TRIM49C: variants seen among roughly 807,000 people sequenced by gnomAD.
TRIM49C encodes the protein tripartite motif containing 49C, also known as tripartite motif-containing protein 49C.
Under a neutral mutation model 21.4 loss-of-function variants are expected in TRIM49C, and 6 were observed. The observed-to-expected ratio is 0.28, with a 90% CI of 0.15 to 0.55. The LOEUF (loss-of-function observed/expected upper bound fraction) is 0.55. Ranked by LOEUF, TRIM49C falls within the 20% of genes least tolerant of loss-of-function variation. TRIM49C has a pLI of 0.94. For missense variants in TRIM49C, 161 were observed against 442.4 expected, an observed-to-expected ratio of 0.36 and a Z score of 5.71; for synonymous variants, 57 against 148.1, an observed-to-expected ratio of 0.38 and a Z score of 4.47.
At chr11:90,049,313 C>G in the TRIM49C span, among the ~76,000 whole-genome samples, 8 of 86,828 alleles carry the variant, frequency 9.2e-5, 2 homozygotes, top group Non-Finnish European at 1.5e-4. Flanking sequence ...AAGTCTGCAG[C>G]GGTTTCTGCT....
In TRIM49C at chr11:90,041,277, G is replaced by A. The variant is rs917405954; in HGVS notation, c.1086G>A (p.Arg362=). The change falls in exon 8 of 8, where the codon CGG becomes CGA. Residue 362 remains arginine (R), a synonymous_variant. Coordinates refer to ENST00000448984, the MANE Select transcript of TRIM49C (RefSeq NM_001195234.1). ...CTTTTGGTGTCTGTAATATGTATCG[G>A]AAGGAGAAGAATCAGAATGAGAAGA... is the stretch of plus-strand genomic sequence containing the variant. ...NWAFGVCNMY[R]KEKNQNEKID... 4 of 1,585,354 alleles carry A rather than the reference G, an allele frequency of 2.5e-6. No individual in the cohort carries two copies. The highest frequency in any genetic ancestry group is 3.4e-6 in the Non-Finnish European group (4 of 1,162,856).
At chr11:90,071,474 T>G in the TRIM49C span, among the ~76,000 whole-genome samples, 2 of 143,422 alleles carry the variant, frequency 1.4e-5, 1 homozygote, top group Admixed American at 1.5e-4. Context: ...AGAGATCAAC[T>G]ATTTGGTGGC....
At chr11:90,056,589 TCTATC>T in the TRIM49C span, among the ~76,000 whole-genome samples, 6 of 91,892 alleles carry the variant, frequency 6.5e-5, no homozygotes, top group African/African-American at 2.5e-4. Context: ...ATTAGTATGT[TCTATC>T]CTATTTTGTT....
the TRIM49C span, chr11:90,071,599 A>T: frequency 1.6e-6 from 1 of 607,258 alleles, no homozygotes; most frequent in Non-Finnish European, 2.8e-6. Flanking sequence ...GGTACATTAC[A>T]ATATCAGAAG....
chr11:90,063,195 T>C, the TRIM49C span, among the ~76,000 whole-genome samples: 5,656 of 121,384 alleles, frequency 0.047, 834 homozygotes, highest in Non-Finnish European at 0.065. Flanking sequence ...TTTCGCTCAA[T>C]AGCCATTGAA....
At chr11:90,051,773 C>A in the TRIM49C span, 3 of 313,764 alleles carry the variant, frequency 9.6e-6, no homozygotes, top group Non-Finnish European at 1.7e-5. Flanking sequence ...CCGGGAGCAG[C>A]CACGGTGCCC....
At chr11:90,038,537 G>C (rs576686188) in intron 5 of TRIM49C, among the ~76,000 whole-genome samples, 156 bp from the exon 6 acceptor site, 1 of 139,248 alleles carries the variant, frequency 7.2e-6, no homozygotes, top group African/African-American at 2.5e-5. Flanking sequence ...CAACTGACTG[G>C]GTTTTTCATT....
chr11:90,033,772 C>G (rs1446850783), intron 2 of TRIM49C, among the ~76,000 whole-genome samples: 1,322 of 129,852 alleles, frequency 0.01, 18 homozygotes, highest in African/African-American at 0.035. Context: ...GGCAAAACCC[C>G]ATCTCTACTA....
At chr11:90,054,324 T>C in the TRIM49C span, among the ~76,000 whole-genome samples, 1 of 133,218 alleles carries the variant, frequency 7.5e-6, no homozygotes, top group African/African-American at 2.7e-5. Flanking sequence ...CACTGGCATG[T>C]TAAGTATGTT....
At chr11:90,071,027 C>G in the TRIM49C span, 1 of 442,902 alleles carries the variant, frequency 2.3e-6, no homozygotes, top group South Asian at 1.7e-5. Context: ...AAATCCTGAC[C>G]TCAGGTGATC....
chr11:90,069,717 C>G, the TRIM49C span, among the ~76,000 whole-genome samples: 1 of 113,458 alleles, frequency 8.8e-6, no homozygotes, highest in East Asian at 2.6e-4. Context: ...TCAATAAAGT[C>G]TCACAATATG....
chr11:90,059,875 C>G, the TRIM49C span, among the ~76,000 whole-genome samples: 6 of 146,682 alleles, frequency 4.1e-5, no homozygotes, highest in Non-Finnish European at 1.5e-5. Context: ...CCTCCTCAGC[C>G]CTTCCTTAGG....
the TRIM49C span, among the ~76,000 whole-genome samples, chr11:90,056,274 T>C: frequency 2.2e-5 from 3 of 136,844 alleles, no homozygotes; most frequent in African/African-American, 7.8e-5. Context: ...TGGATTCTTA[T>C]TTAAAGTGTA....
the TRIM49C span, among the ~76,000 whole-genome samples, chr11:90,049,031 C>G: frequency 3.1e-5 from 4 of 127,482 alleles, 1 homozygote; most frequent in Non-Finnish European, 6.4e-5. Context: ...TGGAGGTCCA[C>G]TCCAGACGCT....
chr11:90,046,032 G>A (rs544918170), downstream of TRIM49C, among the ~76,000 whole-genome samples: 277 of 121,982 alleles, frequency 2.3e-3, 81 homozygotes, highest in African/African-American at 8.5e-3. Context: ...CATCTATTGA[G>A]ATAATCACGT....
At chr11:90,056,162 G>A in the TRIM49C span, among the ~76,000 whole-genome samples, 2 of 135,526 alleles carry the variant, frequency 1.5e-5, no homozygotes, top group South Asian at 4.9e-4. Flanking sequence ...GGGTTTCACC[G>A]TGTTAGCCAA....
chr11:90,073,124 A>G, the TRIM49C span: 3 of 929,758 alleles, frequency 3.2e-6, no homozygotes, highest in African/African-American at 5.0e-5. Flanking sequence ...GGACTCCTGG[A>G]TAAGGAAGAA....
At chr11:90,043,347 G>A (rs1236414337), downstream of TRIM49C, among the ~76,000 whole-genome samples, 12 of 132,474 alleles carry the variant, frequency 9.1e-5, 2 homozygotes, top group African/African-American at 1.7e-4. Context: ...ACGATGGCTC[G>A]TGCCCAGAAG....
intron 7 of TRIM49C, 75 bp from the exon 8 acceptor site, chr11:90,040,976 T>A (rs1357036510): frequency 2.1e-6 from 3 of 1,460,720 alleles, no homozygotes; most frequent in Non-Finnish European, 2.7e-6. Flanking sequence ...GTAAAGTAAC[T>A]TCTTGATAGA....
Sources: allele counts gnomAD v4.1 joint callset (sites outside exome capture counted in the v4.1 genomes callset), GRCh38; gene constraint gnomAD v4.1.1; transcripts MANE v1.5; gene names NCBI Gene and HGNC (gene_info 2026-07-23, HGNC 2026-07-21).